Variants in MGAT4C observed in about 807,000 individuals in gnomAD.
The protein encoded by MGAT4C is alpha-1,3-mannosyl-glycoprotein 4-beta-N-acetylglucosaminyltransferase C.
In MGAT4C, 19 loss-of-function variants were observed where a neutral mutation model predicts 40.1. The ratio of observed to expected loss-of-function variants is 0.47; its 90% CI spans 0.33 to 0.70. The LOEUF is 0.70. MGAT4C is among the 30% of genes least tolerant of loss of function. The pLI is 0.02. For synonymous variants in MGAT4C, 181 were observed against 187.1 expected (o/e 0.97, Z 0.27); for missense variants, 491 against 563.2 (o/e 0.87, Z 1.30).
At chr12:86,033,716 CCT>C (rs1890969942) in intron 2 of MGAT4C, among the ~76,000 whole-genome samples, 1 of 149,414 alleles carries the variant, frequency 6.7e-6, no homozygotes, top group East Asian at 1.9e-4. Context: ...CGTTTGACTT[CCT>C]CTCTTTCAAT....
At chr12:86,001,104 T>G (rs975285729) in intron 2 of MGAT4C, among the ~76,000 whole-genome samples, 4 of 152,110 alleles carry the variant, frequency 2.6e-5, no homozygotes, top group Admixed American at 1.3e-4. Context: ...CCATATCTGA[T>G]CCCTCAATAT....
In MGAT4C at chr12:85,962,402, T is replaced by C. The variant is rs1883158477; in HGVS notation, c.*16887A>G. The C allele has an allele frequency of 6.8e-6, 1 of 148,024 alleles. No homozygotes were observed. Among genetic ancestry groups the C allele is most frequent in the African/African-American group, 2.4e-5 (1 of 40,818 alleles). 9.2% of individuals were successfully genotyped at this position (148,024 alleles called of 1,614,324 possible). A position where few individuals can be genotyped will look rare whatever the true frequency, so the allele number is the denominator to read the frequency against. ...CATCCAATGAAGTAAAATTATATAA[T>C]TAATTATATAATTATATAATTATAT... On this transcript the variant is annotated 3_prime_UTR_variant, in exon 5 of 5. Transcript: ENST00000611864.
intron 3 of MGAT4C, among the ~76,000 whole-genome samples, chr12:86,394,492 TA>T (rs1430711013): frequency 1.4e-5 from 2 of 141,594 alleles, no homozygotes; most frequent in African/African-American, 5.1e-5. Context: ...ATATATACTT[TA>T]TATATATATT....
intron 1 of MGAT4C, among the ~76,000 whole-genome samples, chr12:86,187,410 C>A (rs546448477): frequency 1.3e-5 from 2 of 152,036 alleles, no homozygotes; most frequent in African/African-American, 4.8e-5. Context: ...ATGTAACCAC[C>A]ACCAAAATAA....
intron 2 of MGAT4C, among the ~76,000 whole-genome samples, chr12:86,552,370 A>C (rs992821848): frequency 6.6e-6 from 1 of 152,074 alleles, no homozygotes; most frequent in African/African-American, 2.4e-5. Context: ...ACAGGTTAGG[A>C]AGGGCAAGGG....
intron 1 of MGAT4C, among the ~76,000 whole-genome samples, chr12:86,094,855 C>T (rs114201476): frequency 4.0e-4 from 61 of 152,122 alleles, no homozygotes; most frequent in African/African-American, 1.5e-3. Flanking sequence ...TCTAACTTTC[C>T]TTGTACATTA....
chr12:86,716,739 A>G (rs938827430), intron 2 of MGAT4C, among the ~76,000 whole-genome samples: 1 of 152,166 alleles, frequency 6.6e-6, no homozygotes, highest in African/African-American at 2.4e-5. Flanking sequence ...GATGACAGAT[A>G]CATGCCTTAT....
At chr12:86,291,279 T>G (rs1354478228) in intron 4 of MGAT4C, among the ~76,000 whole-genome samples, 1 of 152,230 alleles carries the variant, frequency 6.6e-6, no homozygotes, top group African/African-American at 2.4e-5. Context: ...TAAAAAGTAT[T>G]TGACTCTGCA....
At chr12:86,794,216 T>A (rs1278119934) in intron 1 of MGAT4C, among the ~76,000 whole-genome samples, 1 of 151,774 alleles carries the variant, frequency 6.6e-6, no homozygotes, top group Non-Finnish European at 1.5e-5. Context: ...TTAAAATGCT[T>A]ATATTGTGGG....
At chr12:86,398,512 G>A (rs1252046485) in intron 3 of MGAT4C, among the ~76,000 whole-genome samples, 3 of 151,684 alleles carry the variant, frequency 2.0e-5, no homozygotes, top group Non-Finnish European at 4.4e-5. Context: ...TACATATATG[G>A]TATACATGTA....
chr12:86,033,316 A>G (rs926139998), intron 2 of MGAT4C, among the ~76,000 whole-genome samples: 2 of 149,524 alleles, frequency 1.3e-5, no homozygotes, highest in Admixed American at 6.7e-5. Flanking sequence ...TGCCATTTGT[A>G]GTTTAATACT....
At chr12:86,033,283 T>TC (rs1890927289) in intron 2 of MGAT4C, among the ~76,000 whole-genome samples, 1 of 149,692 alleles carries the variant, frequency 6.7e-6, no homozygotes, top group Non-Finnish European at 1.5e-5. Flanking sequence ...CAGATAGTTT[T>TC]CCCCCCTTAG....
intron 3 of MGAT4C, among the ~76,000 whole-genome samples, chr12:86,373,713 A>G (rs1477521049): frequency 6.6e-6 from 1 of 151,718 alleles, no homozygotes; most frequent in Admixed American, 6.6e-5. Context: ...AAACCATAGC[A>G]GAGCAGATAT....
intron 1 of MGAT4C, among the ~76,000 whole-genome samples, chr12:86,050,590 A>G (rs570728121): frequency 6.6e-6 from 1 of 152,122 alleles, no homozygotes; most frequent in South Asian, 2.1e-4. Flanking sequence ...ATTCTTTCAG[A>G]CAAGAGTCAA....
chr12:86,497,744 T>C (rs1958263385), intron 2 of MGAT4C, among the ~76,000 whole-genome samples: 1 of 150,964 alleles, frequency 6.6e-6, no homozygotes, highest in Non-Finnish European at 1.5e-5. Context: ...AGTTTGACTG[T>C]ATTGTGCCCC....
intron 1 of MGAT4C, among the ~76,000 whole-genome samples, chr12:86,246,815 G>T (rs1218788112): frequency 6.6e-6 from 1 of 152,128 alleles, no homozygotes; most frequent in Non-Finnish European, 1.5e-5. Context: ...TCAATTTCCT[G>T]CTGGACTCCT....
intron 1 of MGAT4C, among the ~76,000 whole-genome samples, chr12:86,777,354 C>A (rs1951763912): frequency 6.6e-6 from 1 of 152,086 alleles, no homozygotes; most frequent in Non-Finnish European, 1.5e-5. Context: ...AATTCTGTCA[C>A]CTCTGCTTGG....
chr12:86,394,469 T>A (rs905678530), intron 3 of MGAT4C, among the ~76,000 whole-genome samples: 1 of 144,868 alleles, frequency 6.9e-6, no homozygotes, highest in Non-Finnish European at 1.5e-5. Context: ...ATTATATATA[T>A]ATACTTTTTT....
intron 3 of MGAT4C, among the ~76,000 whole-genome samples, chr12:86,346,073 T>C (rs1289981930): frequency 6.6e-6 from 1 of 152,190 alleles, no homozygotes. Flanking sequence ...TAATTTTACT[T>C]CCAAATTTCA....
Sources: gnomAD v4.1 joint callset for allele counts (sites outside exome capture counted in the v4.1 genomes callset) on GRCh38, gnomAD v4.1.1 for gene constraint, MANE v1.5 for transcripts, NCBI Gene and HGNC (gene_info 2026-07-23, HGNC 2026-07-21) for gene names.